CACTIN: variants seen among roughly 807,000 people sequenced by gnomAD.
The protein encoded by CACTIN is splicing factor Cactin.
A neutral mutation model predicts 84.9 loss-of-function variants in CACTIN; 20 were observed. The ratio of observed to expected loss-of-function variants is 0.24; its 90% confidence interval spans 0.17 to 0.34. CACTIN has a LOEUF of 0.34. Ranked by LOEUF, CACTIN falls within the 10% of genes least tolerant of loss-of-function variation. The pLI is 1.00. For synonymous variants in CACTIN, 549 were observed against 467.9 expected (o/e 1.17, Z -2.24); for missense variants, 897 against 1,117.2 (o/e 0.80, Z 2.81).
chr19:3,619,356 G>C, intron 4 of CACTIN, 114 bp from the exon 5 acceptor site: 2 of 1,277,906 alleles, frequency 1.6e-6, no homozygotes, highest in Non-Finnish European at 2.1e-6. Context: ...TGACCCGTTG[G>C]GGGTGGTCAG....
Position 3,619,203 on chromosome 19 carries a change from G to A in CACTIN, c.924C>T (p.Ile308=), listed in dbSNP as rs187911973. The change falls in exon 5 of 10, where the codon ATC becomes ATT. Residue 308 remains isoleucine, a synonymous_variant. Coordinates refer to ENST00000429344, the MANE Select transcript of CACTIN (RefSeq NM_001080543.2). ...IRIRDGRAKP[I]DLLAKYISAE... Reference sequence around the variant, plus strand: ...CGCTGATGTACTTGGCCAGCAGGTCGATGGGCTTGGCCCGCCCGTCCCGGA... The same window carrying A: ...CGCTGATGTACTTGGCCAGCAGGTCAATGGGCTTGGCCCGCCCGTCCCGGA... 122 of 1,613,590 alleles carry A rather than the reference G, an allele frequency of 7.6e-5. No individual in the cohort carries two copies. The East Asian group carries it at 1.1e-3, about 15-fold the overall frequency.
chr19:3,618,431 G>A (rs1008225860), intron 6 of CACTIN, among the ~76,000 whole-genome samples: 1 of 152,208 alleles, frequency 6.6e-6, no homozygotes, highest in African/African-American at 2.4e-5. Context: ...CGGAGGGGGG[G>A]GAAACGTGAT....
chr19:3,621,042 A>T, intron 2 of CACTIN: 1 of 605,976 alleles, frequency 1.7e-6, no homozygotes, highest in Non-Finnish European at 3.0e-6. Context: ...GGCTACCCCA[A>T]CTCTCAACAG....
Position 3,626,733 on chromosome 19 carries a change from C to CCGCGAG in CACTIN, c.24_29dup (p.Arg10_Ser11dup), listed in dbSNP as rs1444278623. On this transcript the variant is annotated inframe_insertion, in exon 1 of 10. Coordinates refer to ENST00000429344, the MANE Select transcript of CACTIN (RefSeq NM_001080543.2). The stretch of plus-strand genomic sequence containing the variant: ...GCCTTCGGCCCCGGCGACCCGCGGA[C>CCGCGAG]CGCGAGCGCGAGCGTGTGTCCCGAC... 6.7e-7 allele frequency: 1 copy of CCGCGAG among 1,491,790 alleles called. No individual in the cohort carries two copies. Among genetic ancestry groups the CCGCGAG allele is most frequent in the African/African-American group, 1.5e-5 (1 of 68,716 alleles). The allele number at this position is 1,491,790 out of a possible 1,614,324, so 92.4% of individuals were successfully genotyped here.
In CACTIN at chr19:3,615,698, A is replaced by T. The variant is rs925225769; in HGVS notation, c.1163-1109T>A. On this transcript the variant is annotated intron_variant, in intron 6 of 9. Coordinates refer to ENST00000429344, the MANE Select transcript of CACTIN (RefSeq NM_001080543.2). This position sits in a 1 kb window ranked among gnomAD's most constrained non-coding sequence, Gnocchi z 5.2. ...GCTGGTGACACACTGGGCGGGGGTG[A>T]CCAGTGCAGGCACCCTGCTCGAGAC... 3.3e-5 allele frequency: 5 copies of T among 152,070 alleles called. No individual in the cohort carries two copies. The highest frequency in any genetic ancestry group is 1.2e-4 in the African/African-American group (5 of 41,322). 9.4% of individuals were successfully genotyped at this position (152,070 alleles called of 1,614,324 possible).
chr19:3,622,418 G>T (rs1157760832), intron 2 of CACTIN, among the ~76,000 whole-genome samples: 2 of 151,706 alleles, frequency 1.3e-5, no homozygotes, highest in Non-Finnish European at 2.9e-5. Context: ...GTAAGATGAG[G>T]TCATCCTGGA....
chr19:3,611,754 C>T lies in CACTIN; in HGVS notation c.*169G>A. 1.1e-6 allele frequency: 1 copy of T among 874,148 alleles called. No homozygotes were observed. The highest frequency in any genetic ancestry group is 1.8e-6 in the Non-Finnish European group (1 of 546,908). The allele number at this position is 874,148 out of a possible 1,614,324, so 54.1% of individuals were successfully genotyped here. ...CCATGGCAGGCTCAATGGTGACCCC[C>T]CTTTTATATAGGAGGAAACTGAGGC... On this transcript the variant is annotated 3_prime_UTR_variant, in exon 10 of 10. Transcript: ENST00000429344.
chr19:3,613,082 A>C lies in CACTIN; in HGVS notation c.1762T>G (p.Ser588Ala). 1.3e-6 allele frequency: 2 copies of C among 1,525,604 alleles called. No homozygotes were observed. The highest frequency in any genetic ancestry group is 1.8e-6 in the Non-Finnish European group (2 of 1,136,864). The allele number at this position is 1,525,604 out of a possible 1,614,324, so 94.5% of individuals were successfully genotyped here. The stretch of plus-strand genomic sequence containing the variant: ...CCCGTGACCTGGAGCTGCTGGCGCG[A>C]GAGCTGCAGGCGCTGCAGGTCCTCA... ...PDEDLQRLQL[S>A]RQQLQVTGDA... is the part of the protein sequence containing the mutation. The change falls in exon 9 of 10, where the codon TCG becomes GCG. Residue 588 changes from serine (S) to alanine (A), a missense_variant. Coordinates refer to ENST00000429344, the MANE Select transcript of CACTIN (RefSeq NM_001080543.2).
chr19:3,611,894 G>A lies in CACTIN; in HGVS notation c.*29C>T, dbSNP rs1280065959. On this transcript the variant is annotated 3_prime_UTR_variant, in exon 10 of 10. Transcript: ENST00000429344. ...CGAAGCCCCTTTACTGTGCCCCCGA[G>A]GACACCTGCCTGCCGTTCCCCAGGG... The A allele has an allele frequency of 6.2e-7, 1 of 1,608,914 alleles. No homozygotes were observed. The highest frequency in any genetic ancestry group is 8.5e-7 in the Non-Finnish European group (1 of 1,178,928).
At chr19:3,618,187 G>C (rs928446499) in intron 6 of CACTIN, among the ~76,000 whole-genome samples, 1 of 145,160 alleles carries the variant, frequency 6.9e-6, no homozygotes, top group South Asian at 2.4e-4. Context: ...CGGGGGGGGG[G>C]GGGGTCTCAT....
rs980001854 is a variant in CACTIN, at chr19:3,613,649, G to A, written c.1356-63C>T. On this transcript the variant is annotated intron_variant, in intron 7 of 9. Transcript: ENST00000429344. Reference sequence around the variant, plus strand: ...AGGGGCTCCGCGCCCCACCCCCACCGAGATTCTCACGCCCCTTATTGCTGC... The same window carrying A: ...AGGGGCTCCGCGCCCCACCCCCACCAAGATTCTCACGCCCCTTATTGCTGC... 271 of 1,545,658 alleles carry A rather than the reference G, an allele frequency of 1.8e-4. 2 individuals are homozygous for A. The African/African-American group carries it at 3.4e-3, about 19-fold the overall frequency.
Position 3,612,060 on chromosome 19 carries a change from G to C in CACTIN, c.2140C>G (p.Pro714Ala), listed in dbSNP as rs371204493. 5.0e-5 allele frequency: 80 copies of C among 1,613,764 alleles called. No homozygotes were observed. Among genetic ancestry groups the C allele is most frequent in the Admixed American group, 3.5e-4 (21 of 60,008 alleles). ...TTGAAAGCGATGTCCTCGTAGGGCGGCCCCGCGTGGAAGCGCAGGATGGCG... is the reference window on the plus strand; with the variant it reads ...TTGAAAGCGATGTCCTCGTAGGGCGCCCCCGCGTGGAAGCGCAGGATGGCG... Reference protein sequence around the residue: ...DFAILRFHAGPPYEDIAFKIV... With the variant: ...DFAILRFHAGAPYEDIAFKIV... Residue 714 changes from proline (P) to alanine (A), a missense_variant, in exon 10 of 10, where the codon CCG becomes GCG. Pro to Ala is a conservative substitution (Grantham distance 27). Around this residue, in one of 8 missense-constraint regions of CACTIN, gnomAD observed 50 missense variants for 51.6 expected, o/e 0.97. Coordinates refer to ENST00000429344, the MANE Select transcript of CACTIN (RefSeq NM_001080543.2).
chr19:3,611,717 C>T lies in CACTIN; in HGVS notation c.*206G>A. 1.5e-6 allele frequency: 1 copy of T among 688,730 alleles called. No homozygotes were observed. The highest frequency in any genetic ancestry group is 2.5e-6 in the Non-Finnish European group (1 of 397,440). The allele number at this position is 688,730 out of a possible 1,614,324, so 42.7% of individuals were successfully genotyped here. Reference sequence around the variant, plus strand: ...ACCCTAGGCCAGCCTGTCCCAGTGTCTCCTCAGCTCACCATGGCAGGCTCA... The same window carrying T: ...ACCCTAGGCCAGCCTGTCCCAGTGTTTCCTCAGCTCACCATGGCAGGCTCA... On this transcript the variant is annotated 3_prime_UTR_variant, in exon 10 of 10. Transcript: ENST00000429344.
intron 6 of CACTIN, chr19:3,614,895 G>C: frequency 2.0e-5 from 9 of 459,950 alleles, no homozygotes; most frequent in South Asian, 1.9e-4. Context: ...CCCCAGGTGA[G>C]TCTGATATGT....
intron 6 of CACTIN, chr19:3,616,536 G>C (rs944276175): frequency 6.6e-6 from 1 of 152,068 alleles, no homozygotes; most frequent in African/African-American, 2.4e-5. Context: ...TTGAACCCAG[G>C]AGGCAGAGGT....
In CACTIN at chr19:3,623,796, C is replaced by G. The variant is rs199984244; in HGVS notation, c.534G>C (p.Glu178Asp). The change falls in exon 2 of 10, where the codon GAG becomes GAC. Residue 178 changes from glutamate to aspartate, a missense_variant. By Grantham distance (45) the Glu-to-Asp change is conservative (BLOSUM62 2). Coordinates refer to ENST00000429344, the MANE Select transcript of CACTIN (RefSeq NM_001080543.2). ...AGCCCATCTTCTCCCGCTTCTTGCG[C>G]TCCTTGGCCTCCTTCTTGGCCAGCC... is the stretch of plus-strand genomic sequence containing the variant. ...ARRLAKKEAK[E>D]RKKREKMGWG... 3 of 1,613,908 alleles carry G rather than the reference C, an allele frequency of 1.9e-6. No individual in the cohort carries two copies. Among genetic ancestry groups the G allele is most frequent in the Non-Finnish European group, 2.5e-6 (3 of 1,179,894 alleles).
rs528786688 is a variant in CACTIN, at chr19:3,626,503, G to A, written c.167+93C>T. 4.3e-5 allele frequency: 52 copies of A among 1,220,726 alleles called. No individual in the cohort carries two copies. In the East Asian group the frequency reaches 9.5e-4, roughly 22 times the overall value. The allele number at this position is 1,220,726 out of a possible 1,614,324, so 75.6% of individuals were successfully genotyped here. The stretch of plus-strand genomic sequence containing the variant: ...TAGGAAGCCCTCCCCGAGTAAGTCG[G>A]GGGTTTCCCGGTTCCCCGGGATCTC... On this transcript the variant is annotated intron_variant, in intron 1 of 9. Transcript: ENST00000429344.
rs61329155 is a variant in CACTIN at position 3,611,371 on chromosome 19, G to T, written c.*552C>A. On this transcript the variant is annotated 3_prime_UTR_variant, in exon 10 of 10. Coordinates refer to ENST00000429344, the MANE Select transcript of CACTIN (RefSeq NM_001080543.2). ...GTCCCGGCCTCAGTGCTGCCTGTGCGGGCGAGGGTGGCCTGTGGGCAGGGC... is the reference window on the plus strand; with the variant it reads ...GTCCCGGCCTCAGTGCTGCCTGTGCTGGCGAGGGTGGCCTGTGGGCAGGGC... The T allele has an allele frequency of 1.1e-4, 49 of 446,594 alleles. 1 individual carries two copies. The highest frequency in any genetic ancestry group is 7.6e-4 in the South Asian group (48 of 63,366). The allele number at this position is 446,594 out of a possible 1,614,324, so 27.7% of individuals were successfully genotyped here.
chr19:3,613,334 GC>G lies in CACTIN; in HGVS notation c.1509del (p.Ser507ProfsTer40). ...GGGCCGCCCTCCGAGGAGGGCCCGG[GC>G]GGGGTGGGCGCCGCGTCCTCAGGCT... ...SLEPEDAAPTPPGPSSEGGPA... is the reference protein window; with the variant it reads ...SLEPEDAAPTXPGPSSEGGPA... On this transcript the variant is annotated frameshift_variant, in exon 9 of 10. Coordinates refer to ENST00000429344, the MANE Select transcript of CACTIN (RefSeq NM_001080543.2). LOFTEE classifies it high-confidence loss of function. 6.6e-7 allele frequency: 1 copy of G among 1,520,034 alleles called. No homozygotes were observed. The highest frequency in any genetic ancestry group is 8.8e-7 in the Non-Finnish European group (1 of 1,140,252). The allele number at this position is 1,520,034 out of a possible 1,614,324, so 94.2% of individuals were successfully genotyped here.
Sources: allele counts gnomAD v4.1 joint callset (sites outside exome capture counted in the v4.1 genomes callset), GRCh38; gene constraint gnomAD v4.1.1; regional missense constraint gnomAD v4.1.1; non-coding constraint Gnocchi (gnomAD v3.1); transcripts MANE v1.5; gene names NCBI Gene and HGNC (gene_info 2026-07-23, HGNC 2026-07-21).